PDE10A: variants seen among roughly 807,000 people sequenced by gnomAD.
PDE10A encodes the protein cAMP and cAMP-inhibited cGMP 3',5'-cyclic phosphodiesterase 10A.
In PDE10A, 39 loss-of-function variants were observed where a neutral mutation model predicts 97.7. That is an observed-to-expected ratio of 0.40 (90% CI 0.31 to 0.52). The LOEUF (loss-of-function observed/expected upper bound fraction) is 0.52, where lower values mean the gene tolerates loss of function less well. PDE10A is among the 20% of genes least tolerant of loss of function. The pLI is 0.56. For missense variants in PDE10A, 731 were observed against 1,047.8 expected, an observed-to-expected ratio of 0.70 and a Z score of 4.17; for synonymous variants, 371 against 376.8, an observed-to-expected ratio of 0.98 and a Z score of 0.18.
intron 1 of PDE10A, among the ~76,000 whole-genome samples, chr6:165,908,545 C>A (rs1025644570): frequency 2.0e-5 from 3 of 152,194 alleles, no homozygotes; most frequent in Non-Finnish European, 2.9e-5. Context: ...GGGCCAGGAA[C>A]CTTGAATGCA....
chr6:165,987,419 G>A (rs1377452689), intron 1 of PDE10A: 5 of 318,470 alleles, frequency 1.6e-5, no homozygotes, highest in South Asian at 1.0e-4. Context: ...AAGGGTGGAG[G>A]GAAAGGACAG....
chr6:165,429,781 C>T (rs897692428), intron 9 of PDE10A, among the ~76,000 whole-genome samples: 4 of 151,984 alleles, frequency 2.6e-5, no homozygotes, highest in African/African-American at 9.7e-5. Context: ...TATATAATTG[C>T]TTCCACTGCC....
intron 5 of PDE10A, among the ~76,000 whole-genome samples, chr6:165,444,725 T>C (rs1435013779): frequency 2.0e-5 from 3 of 152,060 alleles, no homozygotes; most frequent in African/African-American, 7.2e-5. Context: ...AAAAAACACA[T>C]AGAACTTTTT....
intron 1 of PDE10A, among the ~76,000 whole-genome samples, chr6:165,548,787 T>C (rs1283155501): frequency 1.3e-5 from 2 of 152,230 alleles, no homozygotes; most frequent in Non-Finnish European, 1.5e-5. Flanking sequence ...TATGTGGTTG[T>C]CCGGTGGGAC....
At chr6:165,768,812 TA>T (rs1356366664) in intron 1 of PDE10A, among the ~76,000 whole-genome samples, 4 of 152,148 alleles carry the variant, frequency 2.6e-5, no homozygotes, top group Non-Finnish European at 5.9e-5. Context: ...CTTGCAGTAT[TA>T]AATAAGAGGA....
intron 16 of PDE10A, among the ~76,000 whole-genome samples, chr6:165,392,288 G>GT (rs1399662340): frequency 6.6e-6 from 1 of 152,126 alleles, no homozygotes; most frequent in Non-Finnish European, 1.5e-5. Flanking sequence ...GAATGCTCTA[G>GT]GTTCTCAAAT....
intron 1 of PDE10A, among the ~76,000 whole-genome samples, chr6:165,965,302 C>T (rs927988451): frequency 2.0e-5 from 3 of 152,026 alleles, no homozygotes; most frequent in Non-Finnish European, 4.4e-5. Flanking sequence ...GGCTGGGTAG[C>T]GTTCTGAATG....
At chr6:165,374,102 G>T in intron 18 of PDE10A, among the ~76,000 whole-genome samples, 1 of 107,126 alleles carries the variant, frequency 9.3e-6, no homozygotes, top group African/African-American at 3.6e-5. Flanking sequence ...AGGGGGGAGG[G>T]ATAGCATTAG....
At chr6:165,736,221 A>C (rs1053487018) in intron 1 of PDE10A, among the ~76,000 whole-genome samples, 12 of 152,238 alleles carry the variant, frequency 7.9e-5, no homozygotes, top group African/African-American at 2.9e-4. Flanking sequence ...AAAAGGGAAC[A>C]TTATGACATC....
intron 1 of PDE10A, among the ~76,000 whole-genome samples, chr6:165,670,260 G>T (rs1790610512): frequency 6.6e-6 from 1 of 152,232 alleles, no homozygotes; most frequent in Admixed American, 6.5e-5. Flanking sequence ...CAAGGATGCA[G>T]CTTGTTTTAT....
At position 165,418,842 on chromosome 6, in the gene PDE10A, T is replaced by C; in HGVS notation, c.1654-65A>G. On this transcript the variant is annotated intron_variant, in intron 10 of 21. Transcript: ENST00000539869. The surrounding 1 kb of genome is among the most constrained non-coding windows in gnomAD (Gnocchi z 4.8). ...ATTCAAAGAACTTGCAGGTAAACTTTATCATAAAATAAGTATTAATTTCAG... is the reference window on the plus strand; with the variant it reads ...ATTCAAAGAACTTGCAGGTAAACTTCATCATAAAATAAGTATTAATTTCAG... 7.5e-7 allele frequency: 1 copy of C among 1,340,390 alleles called. No individual in the cohort carries two copies. The highest frequency in any genetic ancestry group is 1.1e-6 in the Non-Finnish European group (1 of 950,516). The allele number at this position is 1,340,390 out of a possible 1,614,324, so 83.0% of individuals were successfully genotyped here.
intron 1 of PDE10A, chr6:165,940,092 T>A (rs969321344): frequency 6.6e-6 from 1 of 152,262 alleles, no homozygotes; most frequent in Non-Finnish European, 1.5e-5. Context: ...AGCCTTTAAA[T>A]TGGAGCGTCC....
intron 1 of PDE10A, among the ~76,000 whole-genome samples, chr6:165,705,122 G>A (rs1791675699): frequency 6.6e-6 from 1 of 152,260 alleles, no homozygotes; most frequent in African/African-American, 2.4e-5. Context: ...CTGGGGACCA[G>A]CATGGAATGG....
At chr6:165,545,070 T>C (rs1783671750) in intron 1 of PDE10A, 4 of 446,994 alleles carry the variant, frequency 8.9e-6, no homozygotes, top group South Asian at 5.3e-5. Flanking sequence ...TACTTGACCT[T>C]TGAGAAGACA....
At chr6:165,537,098 T>C (rs1373546528) in intron 2 of PDE10A, among the ~76,000 whole-genome samples, 1 of 151,814 alleles carries the variant, frequency 6.6e-6, no homozygotes, top group Non-Finnish European at 1.5e-5. Flanking sequence ...CAAAACGAAA[T>C]ATTATTCAGC....
chr6:165,566,264 C>T (rs750772304), intron 1 of PDE10A, among the ~76,000 whole-genome samples: 7 of 151,966 alleles, frequency 4.6e-5, no homozygotes, highest in African/African-American at 1.7e-4. Flanking sequence ...ATTAAAAGTC[C>T]AAAACATTAA....
intron 1 of PDE10A, among the ~76,000 whole-genome samples, chr6:165,761,494 A>T (rs933918704): frequency 6.6e-6 from 1 of 152,192 alleles, no homozygotes; most frequent in African/African-American, 2.4e-5. Flanking sequence ...TTTTGCAGGG[A>T]CATTTTTCAA....
intron 1 of PDE10A, among the ~76,000 whole-genome samples, chr6:165,925,376 T>A (rs1377399562): frequency 6.6e-6 from 1 of 152,210 alleles, no homozygotes; most frequent in Admixed American, 6.5e-5. Context: ...ACTCAGTAAT[T>A]CCACCCCTGA....
At chr6:165,859,110 A>T (rs1562770962) in intron 1 of PDE10A, among the ~76,000 whole-genome samples, 3 of 152,176 alleles carry the variant, frequency 2.0e-5, no homozygotes, top group Non-Finnish European at 2.9e-5. Flanking sequence ...ATTTTCATTC[A>T]CTGATCAAAA....
Sources: allele counts gnomAD v4.1 joint callset (sites outside exome capture counted in the v4.1 genomes callset), GRCh38; gene constraint gnomAD v4.1.1; non-coding constraint Gnocchi (gnomAD v3.1); transcripts MANE v1.5; gene names NCBI Gene and HGNC (gene_info 2026-07-23, HGNC 2026-07-21).